The following JMJD1C variants were observed in gnomAD, a reference collection of about 807,000 sequenced individuals.
JMJD1C encodes jumonji domain containing 1C, also known as jumonji domain-containing protein 1C.
JMJD1C carries 31 observed loss-of-function variants against 245.3 expected under a neutral mutation model. The ratio of observed to expected loss-of-function variants is 0.13; its 90% CI spans 0.09 to 0.17. The LOEUF is 0.17. Ranked by LOEUF, JMJD1C falls within the 10% of genes least tolerant of loss-of-function variation. JMJD1C has a pLI of 1.00. For synonymous variants in JMJD1C, 1,057 were observed against 1,017.4 expected, an observed-to-expected ratio of 1.04 and a Z score of -0.74; for missense variants, 2,691 against 3,000.2, an observed-to-expected ratio of 0.90 and a Z score of 2.41.
chr10:63,461,096 G>C (rs1952763581), intron 1 of JMJD1C, among the ~76,000 whole-genome samples: 1 of 152,184 alleles, frequency 6.6e-6, no homozygotes, highest in African/African-American at 2.4e-5. Flanking sequence ...AAACTAGCTA[G>C]TGGTAGTAAC....
chr10:63,248,096 C>T (rs888401833), intron 3 of JMJD1C, among the ~76,000 whole-genome samples: 9 of 151,894 alleles, frequency 5.9e-5, no homozygotes, highest in Non-Finnish European at 1.2e-4. Context: ...GGTGTGGTGG[C>T]GGGCGCCTGT....
chr10:63,521,114 C>G (rs1414622175), intron 1 of JMJD1C, among the ~76,000 whole-genome samples: 4 of 38 alleles, frequency 0.11, no homozygotes, highest in Non-Finnish European at 0.22. Context: ...CCACTCTCGC[C>G]GCGAGTGTGG....
At chr10:63,426,404 GT>G (rs1476081972) in intron 1 of JMJD1C, among the ~76,000 whole-genome samples, 1 of 152,110 alleles carries the variant, frequency 6.6e-6, no homozygotes, top group Non-Finnish European at 1.5e-5. Flanking sequence ...CTACTACACA[GT>G]AAATATAAAA....
At chr10:63,392,824 CAAA>C (rs991038264) in intron 1 of JMJD1C, among the ~76,000 whole-genome samples, 3 of 28,810 alleles carry the variant, frequency 1.0e-4, no homozygotes, top group Non-Finnish European at 1.8e-4. Context: ...ACTTCGTCTC[CAAA>C]AAAAAAAAAA....
At chr10:63,419,995 G>A (rs1460685428) in intron 1 of JMJD1C, among the ~76,000 whole-genome samples, 1 of 151,884 alleles carries the variant, frequency 6.6e-6, no homozygotes, top group East Asian at 1.9e-4. Context: ...AATTAGCCGG[G>A]CATGATGGCG....
chr10:63,192,935 T>C lies in JMJD1C; in HGVS notation c.6076+3A>G, dbSNP rs763364075. On this transcript the variant is annotated splice_donor_region_variant and intron_variant, in intron 16 of 25. Transcript: ENST00000399262. ...ACATGCCTAGATAATCAATTATGTT[T>C]ACCTTTTTTTTCCTCTCTGGCTTTT... 1 of 1,607,458 alleles carries C rather than the reference T, an allele frequency of 6.2e-7. No individual in the cohort carries two copies. The highest frequency in any genetic ancestry group is 8.5e-7 in the Non-Finnish European group (1 of 1,174,054).
At chr10:63,266,728 T>C (rs1033713173) in intron 2 of JMJD1C, among the ~76,000 whole-genome samples, 2 of 152,142 alleles carry the variant, frequency 1.3e-5, no homozygotes, top group Non-Finnish European at 2.9e-5. Context: ...AAAGGTATTA[T>C]CTAAGTGGCT....
chr10:63,377,193 C>T (rs1022612950), intron 2 of JMJD1C, among the ~76,000 whole-genome samples: 1 of 152,264 alleles, frequency 6.6e-6, no homozygotes, highest in Admixed American at 6.5e-5. Context: ...TGTATAATTA[C>T]ATTCATATGA....
chr10:63,508,906 A>G (rs565806626), intron 1 of JMJD1C, among the ~76,000 whole-genome samples: 1 of 152,246 alleles, frequency 6.6e-6, no homozygotes, highest in African/African-American at 2.4e-5. Flanking sequence ...TTCCTTTTCA[A>G]TCTATATACC....
intron 1 of JMJD1C, among the ~76,000 whole-genome samples, chr10:63,452,453 T>C (rs1589774935): frequency 6.6e-6 from 1 of 152,218 alleles, no homozygotes; most frequent in Non-Finnish European, 1.5e-5. Flanking sequence ...GACTAGGATG[T>C]AGAGAAACTG....
At chr10:63,299,110 C>G (rs1470126588) in intron 2 of JMJD1C, among the ~76,000 whole-genome samples, 1 of 151,996 alleles carries the variant, frequency 6.6e-6, no homozygotes, top group African/African-American at 2.4e-5. Context: ...ATATCAAACA[C>G]CATGTAGAAA....
intron 1 of JMJD1C, among the ~76,000 whole-genome samples, chr10:63,388,596 T>C (rs1016868956): frequency 6.6e-6 from 1 of 151,994 alleles, no homozygotes; most frequent in South Asian, 2.1e-4. Flanking sequence ...CCTCAAACGA[T>C]AGCACTACAG....
intron 2 of JMJD1C, among the ~76,000 whole-genome samples, chr10:63,319,337 T>TA (rs1446163196): frequency 1.3e-5 from 2 of 151,224 alleles, no homozygotes; most frequent in Non-Finnish European, 2.9e-5. Context: ...GATGCCAATC[T>TA]AATTCTTCTT....
chr10:63,500,676 G>A (rs1231346785), intron 1 of JMJD1C, among the ~76,000 whole-genome samples: 1 of 152,010 alleles, frequency 6.6e-6, no homozygotes, highest in East Asian at 1.9e-4. Context: ...AGGTTGCAGT[G>A]AGCTGAGATC....
At chr10:63,411,664 A>G (rs1589696700) in intron 1 of JMJD1C, among the ~76,000 whole-genome samples, 1 of 136,382 alleles carries the variant, frequency 7.3e-6, no homozygotes, top group South Asian at 2.3e-4. Flanking sequence ...GTGCAGTGGC[A>G]CAACTTTGGC....
chr10:63,269,409 G>A (rs189527406), intron 2 of JMJD1C, among the ~76,000 whole-genome samples: 2 of 152,262 alleles, frequency 1.3e-5, no homozygotes, highest in Non-Finnish European at 2.9e-5. Context: ...GACTAGTGGC[G>A]AGACTGAAAG....
intron 2 of JMJD1C, among the ~76,000 whole-genome samples, chr10:63,298,453 T>A (rs1859685437): frequency 6.6e-6 from 1 of 152,166 alleles, no homozygotes; most frequent in Non-Finnish European, 1.5e-5. Flanking sequence ...TGCAGAAGCA[T>A]CATGCCGATC....
At position 63,168,057 on chromosome 10, in the gene JMJD1C, C is replaced by T. The variant is rs764523498; in HGVS notation, c.7611G>A (p.Met2537Ile). 1 of 1,579,398 alleles carries T rather than the reference C, an allele frequency of 6.3e-7. No individual in the cohort carries two copies. Among genetic ancestry groups the T allele is most frequent in the Non-Finnish European group, 8.7e-7 (1 of 1,149,090 alleles). The change falls in exon 26 of 26, where the codon ATG becomes ATA. Residue 2537 changes from methionine (M) to isoleucine (I), a missense_variant. Around this residue, in one of 9 missense-constraint regions of JMJD1C, gnomAD observed 27 missense variants for 18.4 expected, o/e 1.47. Transcript: ENST00000399262. ...AACTGGATCACACTTAATTTTCTTC[C>T]ATATCCTCTACTTCATCCTCGTGTA... Reference protein sequence around the residue: ...LKIHEDEVEDMEEN With the variant: ...LKIHEDEVEDIEEN
At chr10:63,271,230 G>C (rs1856262737) in intron 2 of JMJD1C, among the ~76,000 whole-genome samples, 1 of 151,748 alleles carries the variant, frequency 6.6e-6, no homozygotes, top group Admixed American at 6.6e-5. Context: ...CTGGAGTACA[G>C]TGGCATGATC....
Sources: gnomAD v4.1 joint callset for allele counts (sites outside exome capture counted in the v4.1 genomes callset) on GRCh38, gnomAD v4.1.1 for gene constraint, gnomAD v4.1.1 regional missense constraint, MANE v1.5 for transcripts, NCBI Gene and HGNC (gene_info 2026-07-23, HGNC 2026-07-21) for gene names.